Variants in BTAF1 observed in about 807,000 individuals in gnomAD.
BTAF1 encodes TATA-binding protein-associated factor 172.
In BTAF1, 38 loss-of-function variants were observed where a neutral mutation model predicts 227.1. The ratio of observed to expected loss-of-function variants is 0.17; its 90% CI spans 0.13 to 0.22. The LOEUF is 0.22. Among genes scored for constraint, BTAF1 ranks in the 10% least tolerant of loss-of-function variants. The pLI, the probability that BTAF1 is intolerant of heterozygous loss-of-function variation, is 1.00. For missense variants in BTAF1, 1,598 were observed against 2,204.0 expected, an observed-to-expected ratio of 0.73 and a Z score of 5.51; for synonymous variants, 742 against 751.9, an observed-to-expected ratio of 0.99 and a Z score of 0.21.
chr10:91,991,678 C>T (rs1473940023), intron 20 of BTAF1, among the ~76,000 whole-genome samples: 1 of 151,068 alleles, frequency 6.6e-6, no homozygotes, highest in African/African-American at 2.4e-5. Flanking sequence ...TCTCTTGAGC[C>T]CAGGAGGTGG....
At chr10:91,937,401 T>C (rs1844699132) in intron 2 of BTAF1, among the ~76,000 whole-genome samples, 1 of 152,196 alleles carries the variant, frequency 6.6e-6, no homozygotes, top group South Asian at 2.1e-4. Context: ...CACCGTACTC[T>C]AATTTTAAAA....
At chr10:91,998,957 G>A (rs566257135) in intron 25 of BTAF1, among the ~76,000 whole-genome samples, 1 of 152,030 alleles carries the variant, frequency 6.6e-6, no homozygotes, top group African/African-American at 2.4e-5. Context: ...CAGCTACTCA[G>A]GAGGCTGATG....
At position 91,951,508 on chromosome 10, in the gene BTAF1, T is replaced by G. The variant is rs762508210; in HGVS notation, c.506T>G (p.Phe169Cys). The change falls in exon 5 of 38, where the codon TTC becomes TGC. Residue 169 changes from phenylalanine (F) to cysteine (C), a missense_variant. Around this residue, in one of 10 missense-constraint regions of BTAF1, gnomAD observed 298 missense variants for 395.2 expected, o/e 0.75. Coordinates refer to ENST00000265990, the MANE Select transcript of BTAF1 (RefSeq NM_003972.3). The stretch of plus-strand genomic sequence containing the variant: ...ATTGGAATGAGTACTGAAGAACTTT[T>G]CAATGATGAGGATTTGGATTATACC... Reference protein sequence around the residue: ...EAIGMSTEELFNDEDLDYTPT... With the variant: ...EAIGMSTEELCNDEDLDYTPT... 2 of 1,611,684 alleles carry G rather than the reference T, an allele frequency of 1.2e-6. No individual in the cohort carries two copies. Among genetic ancestry groups the G allele is most frequent in the Non-Finnish European group, 1.7e-6 (2 of 1,179,186 alleles).
At chr10:91,965,232 A>G (rs1460586682) in intron 13 of BTAF1, among the ~76,000 whole-genome samples, 2 of 152,202 alleles carry the variant, frequency 1.3e-5, no homozygotes, top group African/African-American at 4.8e-5. Flanking sequence ...TACAAACTAA[A>G]TGAGTTAATC....
intron 34 of BTAF1, 84 bp from the exon 35 acceptor site, chr10:92,024,672 T>TG: frequency 8.5e-7 from 1 of 1,176,728 alleles, no homozygotes; most frequent in Admixed American, 2.5e-5. Context: ...AACCTTTTCT[T>TG]GCCACAGAGA....
At position 92,029,627 on chromosome 10, in the gene BTAF1, T is replaced by C. The variant is rs1438222644; in HGVS notation, c.*694T>C. 6.6e-6 allele frequency: 1 copy of C among 151,980 alleles called. No homozygotes were observed. The highest frequency in any genetic ancestry group is 2.4e-5 in the African/African-American group (1 of 41,422). 9.4% of individuals were successfully genotyped at this position (151,980 alleles called of 1,614,324 possible). A position where few individuals can be genotyped will look rare whatever the true frequency, so the allele number is the denominator to read the frequency against. On this transcript the variant is annotated 3_prime_UTR_variant, in exon 38 of 38. Transcript: ENST00000265990. ...GGGTGGTTTTTTTTAATTTATCTAA[T>C]GGCTACGATATAGCCAGATTCAAAT...
intron 4 of BTAF1, among the ~76,000 whole-genome samples, chr10:91,950,589 C>T (rs565065210): frequency 2.0e-5 from 3 of 151,878 alleles, no homozygotes; most frequent in East Asian, 1.9e-4. Flanking sequence ...TGTTTTGCAC[C>T]GAAGGATTGA....
chr10:91,962,710 T>G, intron 12 of BTAF1, 32 bp downstream of exon 12: 1 of 1,534,464 alleles, frequency 6.5e-7, no homozygotes, highest in Non-Finnish European at 8.8e-7. Context: ...TTTCTTACTA[T>G]AGAGCTTGTT....
In BTAF1 at chr10:91,953,801, A is replaced by G; in HGVS notation, c.629A>G (p.Asn210Ser). Residue 210 changes from asparagine to serine, a missense_variant, in exon 6 of 38, where the codon AAC becomes AGC. Physicochemically the swap from Asn to Ser is conservative, Grantham distance 46. This residue lies in a region of BTAF1 where 298 missense variants were observed against 395.2 expected (regional missense o/e 0.75). Transcript: ENST00000265990. ...FRAGMSNRQK[N>S]KAKRMAKLFA... is the part of the protein sequence containing the mutation. ...GCAGGAATGAGCAATAGACAAAAGAACAAAGCTAAAAGAATGGCCAAGTTA... is the reference window on the plus strand; with the variant it reads ...GCAGGAATGAGCAATAGACAAAAGAGCAAAGCTAAAAGAATGGCCAAGTTA... 3 of 1,614,132 alleles carry G rather than the reference A, an allele frequency of 1.9e-6. No homozygotes were observed. Among genetic ancestry groups the G allele is most frequent in the Non-Finnish European group, 2.5e-6 (3 of 1,179,970 alleles).
intron 6 of BTAF1, 48 bp downstream of exon 6, chr10:91,953,921 G>A: frequency 1.9e-6 from 3 of 1,600,056 alleles, no homozygotes; most frequent in Non-Finnish European, 2.6e-6. Flanking sequence ...GGGCTCTGTG[G>A]CTTTAATCTG....
chr10:91,956,573 A>G lies in BTAF1; in HGVS notation c.747A>G (p.Ile249Met), dbSNP rs763907661. 1 of 1,601,020 alleles carries G rather than the reference A, an allele frequency of 6.2e-7. No individual in the cohort carries two copies. The highest frequency in any genetic ancestry group is 8.5e-7 in the Non-Finnish European group (1 of 1,176,728). ...DGEPEEKRRK[I>M]ANVVINQSAN... ...AGCCAGAAGAAAAGAGACGGAAAAT[A>G]GCAAATGTTGTTATTAATCAGTCTG... Residue 249 changes from isoleucine to methionine, a missense_variant, in exon 7 of 38, where the codon ATA becomes ATG. Ile to Met is a conservative substitution (Grantham distance 10). Around this residue, in one of 10 missense-constraint regions of BTAF1, gnomAD observed 298 missense variants for 395.2 expected, o/e 0.75. Coordinates refer to ENST00000265990, the MANE Select transcript of BTAF1 (RefSeq NM_003972.3).
At chr10:92,023,030 A>G (rs1851248311) in intron 34 of BTAF1, among the ~76,000 whole-genome samples, 2 of 152,202 alleles carry the variant, frequency 1.3e-5, no homozygotes. Context: ...TTAGAGATTC[A>G]GTACCCAAAG....
intron 25 of BTAF1, among the ~76,000 whole-genome samples, chr10:92,005,835 G>C (rs1342420761): frequency 1.3e-5 from 2 of 151,352 alleles, no homozygotes; most frequent in Non-Finnish European, 2.9e-5. Context: ...TACTATTGCA[G>C]ATCTTTTTTA....
chr10:91,939,103 T>C (rs1844834292), intron 2 of BTAF1, among the ~76,000 whole-genome samples: 1 of 152,124 alleles, frequency 6.6e-6, no homozygotes, highest in South Asian at 2.1e-4. Context: ...TCTATTTAGA[T>C]CTTTAATTTC....
At position 91,991,263 on chromosome 10, in the gene BTAF1, TAA is replaced by T. The variant is rs1491532807; in HGVS notation, c.2855-854_2855-853del. On this transcript the variant is annotated intron_variant, in intron 20 of 37. Coordinates refer to ENST00000265990, the MANE Select transcript of BTAF1 (RefSeq NM_003972.3). ...TCCGTCTCAAAAAAATATATAAATA[TAA>T]ATATAAATATATATATATATATATA... Among the ~76,000 whole-genome samples the T allele has an allele frequency of 3.7e-3, 287 of 76,646 alleles. 3 individuals carry two copies. The highest frequency in any genetic ancestry group is 8.2e-3 in the Non-Finnish European group (234 of 28,548). 50.3% of individuals were successfully genotyped at this position (76,646 alleles called of 152,430 possible).
At chr10:91,993,626 T>A in intron 21 of BTAF1, 68 bp from the exon 22 acceptor site, 1 of 1,208,734 alleles carries the variant, frequency 8.3e-7, no homozygotes, top group Non-Finnish European at 1.1e-6. Flanking sequence ...TTAAATTCTT[T>A]TGTTAAAATT....
chr10:91,932,800 A>G lies in BTAF1; in HGVS notation c.15-2857A>G, dbSNP rs116702380. The stretch of plus-strand genomic sequence containing the variant: ...TGGATGGGAGCTAGCTGAACAGTTG[A>G]ACAAAGAGAAAAATACTTTATTTGT... On this transcript the variant is annotated intron_variant, in intron 1 of 37. Transcript: ENST00000265990. Among the ~76,000 whole-genome samples, 967 of 152,370 alleles carry G rather than the reference A, an allele frequency of 6.3e-3. 7 individuals carry two copies. The highest frequency in any genetic ancestry group is 0.019 in the African/African-American group (786 of 41,584).
intron 25 of BTAF1, among the ~76,000 whole-genome samples, chr10:92,006,446 T>C (rs1418270642): frequency 6.6e-6 from 1 of 152,226 alleles, no homozygotes; most frequent in African/African-American, 2.4e-5. Flanking sequence ...GATCATGGTA[T>C]CTCCCCTGCC....
At chr10:92,008,307 C>G (rs760179260) in intron 26 of BTAF1, 32 bp downstream of exon 26, 55 of 1,520,700 alleles carry the variant, frequency 3.6e-5, no homozygotes, top group Non-Finnish European at 4.7e-5. Context: ...GTTTTCCTTT[C>G]AAATGAACCT....
Sources: gnomAD v4.1 joint callset for allele counts (sites outside exome capture counted in the v4.1 genomes callset) on GRCh38, gnomAD v4.1.1 for gene constraint, gnomAD v4.1.1 regional missense constraint, MANE v1.5 for transcripts, NCBI Gene and HGNC (gene_info 2026-07-23, HGNC 2026-07-21) for gene names.